SLC2A13: variants seen among roughly 807,000 people sequenced by gnomAD.
The protein encoded by SLC2A13 is solute carrier family 2 member 13.
A neutral mutation model predicts 64.4 loss-of-function variants in SLC2A13; 32 were observed. That is an observed-to-expected ratio of 0.50 (90% CI 0.37 to 0.67). The LOEUF is 0.67. Ranked by LOEUF, SLC2A13 falls within the 30% of genes least tolerant of loss-of-function variation. The probability of loss-of-function intolerance (pLI) is 0.00; values close to 1 mark genes in which losing one functional copy is unlikely to be tolerated. For missense variants in SLC2A13, 743 were observed against 829.2 expected (o/e 0.90, Z 1.28); for synonymous variants, 338 against 327.1 (o/e 1.03, Z -0.36).
At position 40,008,281 on chromosome 12, in the gene SLC2A13, C is replaced by T. The variant is rs1442133829; in HGVS notation, c.925+20020G>A. ...GCAGGGTGGTGGTGATGACAGGAAG[C>T]TCCAGGGTCAAGATACCAAATGTTA... On this transcript the variant is annotated intron_variant, in intron 3 of 9. Transcript: ENST00000280871. Among the ~76,000 whole-genome samples, 10 of 152,278 alleles carry T rather than the reference C, an allele frequency of 6.6e-5. No homozygotes were observed. In the East Asian group the frequency reaches 1.7e-3, roughly 26 times the overall value.
At chr12:40,066,334 A>G (rs2136260928) in intron 1 of SLC2A13, among the ~76,000 whole-genome samples, 1 of 152,296 alleles carries the variant, frequency 6.6e-6, no homozygotes, top group South Asian at 2.1e-4. Context: ...CTACTTATCT[A>G]AAACGTCACT....
At chr12:40,013,770 G>A (rs1455390768) in intron 3 of SLC2A13, among the ~76,000 whole-genome samples, 2 of 152,160 alleles carry the variant, frequency 1.3e-5, no homozygotes, top group Non-Finnish European at 2.9e-5. Context: ...GCGGCCCTAC[G>A]CAGGCACTGT....
intron 3 of SLC2A13, among the ~76,000 whole-genome samples, chr12:40,011,033 G>A (rs772014490): frequency 1.4e-4 from 21 of 152,208 alleles, no homozygotes; most frequent in Admixed American, 5.2e-4. Context: ...CACCAGCTTC[G>A]TTCTTCAGTC....
intron 3 of SLC2A13, among the ~76,000 whole-genome samples, chr12:40,002,420 GAAT>G (rs1947335516): frequency 6.6e-6 from 1 of 152,084 alleles, no homozygotes; most frequent in South Asian, 2.1e-4. Flanking sequence ...CAAATACAAA[GAAT>G]AATGAATGAA....
rs576051696 is a variant in SLC2A13 at position 39,841,868 on chromosome 12, G to A, written c.1320-11640C>T. On this transcript the variant is annotated intron_variant, in intron 6 of 9. Transcript: ENST00000280871. ...GGTTTGCAAACAGACCAAGTAAGTC[G>A]ACTAGTATTTGTAGCTATGAAGATT... is the stretch of plus-strand genomic sequence containing the variant. Among the ~76,000 whole-genome samples the A allele has an allele frequency of 4.6e-5, 7 of 152,084 alleles. No individual in the cohort carries two copies. The South Asian group carries it at 1.5e-3, about 32-fold the overall frequency.
At chr12:40,093,536 T>C (rs1266619933) in intron 1 of SLC2A13, among the ~76,000 whole-genome samples, 1 of 152,190 alleles carries the variant, frequency 6.6e-6, no homozygotes, top group Non-Finnish European at 1.5e-5. Flanking sequence ...GTGTTTTGGC[T>C]AGTGGAAACT....
At position 40,058,797 on chromosome 12, in the gene SLC2A13, G is replaced by GT. The variant is rs566523911; in HGVS notation, c.557-10588dup. On this transcript the variant is annotated intron_variant, in intron 1 of 9. Coordinates refer to ENST00000280871, the MANE Select transcript of SLC2A13 (RefSeq NM_052885.4). ...TACGAAGGGTGATAAGCAAGATGCCGTAACTATGGCTCATAATATTCTGAG... is the reference window on the plus strand; with the variant it reads ...TACGAAGGGTGATAAGCAAGATGCCGTTAACTATGGCTCATAATATTCTGAG... 3.5e-4 allele frequency among the ~76,000 whole-genome samples: 53 copies of GT among 152,252 alleles called. 1 individual carries two copies. Among genetic ancestry groups the GT allele is most frequent in the African/African-American group, 8.4e-4 (35 of 41,548 alleles).
At chr12:40,084,201 A>G (rs977283929) in intron 1 of SLC2A13, among the ~76,000 whole-genome samples, 4 of 152,242 alleles carry the variant, frequency 2.6e-5, no homozygotes, top group African/African-American at 9.6e-5. Context: ...ATCAAACAGG[A>G]AACTCTAGAT....
chr12:39,987,587 A>T (rs1003492087), intron 3 of SLC2A13, among the ~76,000 whole-genome samples: 1 of 152,234 alleles, frequency 6.6e-6, no homozygotes, highest in African/African-American at 2.4e-5. Flanking sequence ...AACAGCATGT[A>T]GAAGGTACCT....
intron 4 of SLC2A13, among the ~76,000 whole-genome samples, chr12:39,944,828 C>T (rs1946108511): frequency 1.3e-5 from 2 of 152,148 alleles, no homozygotes; most frequent in South Asian, 4.1e-4. Flanking sequence ...GCATTTAGGT[C>T]ATTTACATTC....
intron 2 of SLC2A13, among the ~76,000 whole-genome samples, chr12:40,047,327 T>A (rs973882810): frequency 6.6e-6 from 1 of 152,198 alleles, no homozygotes; most frequent in Non-Finnish European, 1.5e-5. Context: ...AAATACTGAA[T>A]AAATATTTGT....
chr12:39,770,908 C>T (rs1000678109), intron 7 of SLC2A13, among the ~76,000 whole-genome samples: 6 of 151,948 alleles, frequency 3.9e-5, no homozygotes. Context: ...GCTGGGACAC[C>T]CAGGTAAAGT....
intron 7 of SLC2A13, among the ~76,000 whole-genome samples, chr12:39,771,990 A>G (rs186939441): frequency 6.6e-6 from 1 of 152,170 alleles, no homozygotes; most frequent in Admixed American, 6.5e-5. Flanking sequence ...TCTACCATCA[A>G]TTCCTACCTC....
At chr12:39,851,076 C>A (rs551239488) in intron 6 of SLC2A13, among the ~76,000 whole-genome samples, 1 of 151,792 alleles carries the variant, frequency 6.6e-6, no homozygotes, top group African/African-American at 2.4e-5. Flanking sequence ...ATTTTTGTAT[C>A]TTTAGTAGAG....
chr12:39,767,311 C>T (rs11173500), intron 7 of SLC2A13, among the ~76,000 whole-genome samples: 147,103 of 150,324 alleles, frequency 0.98, 71,983 homozygotes, highest in East Asian at 1. Context: ...TCTTTTTTTT[C>T]TTTTCCTGAG....
intron 3 of SLC2A13, among the ~76,000 whole-genome samples, chr12:40,002,389 A>T (rs1267351408): frequency 6.6e-6 from 1 of 152,238 alleles, no homozygotes; most frequent in African/African-American, 2.4e-5. Context: ...TGTATTACAC[A>T]TCTCTCTAAT....
intron 4 of SLC2A13, among the ~76,000 whole-genome samples, chr12:39,879,874 T>C (rs1181528950): frequency 6.6e-6 from 1 of 152,170 alleles, no homozygotes; most frequent in Non-Finnish European, 1.5e-5. Flanking sequence ...GTAGTTTGGA[T>C]ATTTGTCCCC....
At chr12:39,779,469 T>A (rs1406666050) in intron 7 of SLC2A13, among the ~76,000 whole-genome samples, 1 of 152,208 alleles carries the variant, frequency 6.6e-6, no homozygotes, top group Non-Finnish European at 1.5e-5. Flanking sequence ...ACACCATACC[T>A]ATTATCTTCC....
At chr12:39,973,952 T>C (rs1347728776) in intron 3 of SLC2A13, among the ~76,000 whole-genome samples, 2 of 152,212 alleles carry the variant, frequency 1.3e-5, no homozygotes, top group Admixed American at 6.5e-5. Flanking sequence ...TTCCATACCA[T>C]TCTGTCTGAT....
Sources: allele counts gnomAD v4.1 joint callset (sites outside exome capture counted in the v4.1 genomes callset), GRCh38; gene constraint gnomAD v4.1.1; transcripts MANE v1.5; gene names NCBI Gene and HGNC (gene_info 2026-07-23, HGNC 2026-07-21).